The following SGCD variants were observed in gnomAD, a reference collection of about 807,000 sequenced individuals.
The protein encoded by SGCD is sarcoglycan delta.
Under a neutral mutation model 36.6 loss-of-function variants are expected in SGCD, and 18 were observed. The ratio of observed to expected loss-of-function variants is 0.49; its 90% CI spans 0.34 to 0.73. SGCD has a LOEUF of 0.73. SGCD is among the 30% of genes least tolerant of loss of function. The pLI, the probability that SGCD is intolerant of heterozygous loss-of-function variation, is 0.01. For synonymous variants in SGCD, 133 were observed against 130.6 expected (o/e 1.02, Z -0.12); for missense variants, 387 against 346.7 (o/e 1.12, Z -0.92).
At chr5:156,698,415 C>T (rs1754400512) in intron 7 of SGCD, among the ~76,000 whole-genome samples, 2 of 152,234 alleles carry the variant, frequency 1.3e-5, no homozygotes, top group Admixed American at 1.3e-4. Flanking sequence ...TTGCTACTAA[C>T]TCAGTATCTC....
At chr5:155,838,542 A>G in the SGCD span, among the ~76,000 whole-genome samples, 1 of 152,118 alleles carries the variant, frequency 6.6e-6, no homozygotes, top group African/African-American at 2.4e-5. Flanking sequence ...AGCAATTCTC[A>G]AAGTGTGTTC....
chr5:156,008,544 T>C (rs1758797035), intron 1 of SGCD, among the ~76,000 whole-genome samples: 1 of 152,138 alleles, frequency 6.6e-6, no homozygotes, highest in Non-Finnish European at 1.5e-5. Context: ...CCTGGCTAAT[T>C]TTTTAATTCT....
At chr5:156,176,791 G>GA (rs1385115228) in intron 3 of SGCD, among the ~76,000 whole-genome samples, 2 of 152,028 alleles carry the variant, frequency 1.3e-5, no homozygotes, top group Non-Finnish European at 2.9e-5. Flanking sequence ...AAATATCTCT[G>GA]AAAAATATTC....
the SGCD span, among the ~76,000 whole-genome samples, chr5:155,761,682 A>G: frequency 3.4e-5 from 5 of 145,104 alleles, no homozygotes; most frequent in African/African-American, 2.6e-5. Flanking sequence ...CATCATCTCC[A>G]TCATCCTCTC....
intron 7 of SGCD, among the ~76,000 whole-genome samples, chr5:156,700,942 C>CA (rs66896485): frequency 0.71 from 91,643 of 128,406 alleles, 33,526 homozygotes; most frequent in East Asian, 0.85. Context: ...GACCTTGTCT[C>CA]AAAAAAAAAA....
the SGCD span, among the ~76,000 whole-genome samples, chr5:155,753,514 A>G: frequency 6.6e-5 from 10 of 152,084 alleles, no homozygotes; most frequent in African/African-American, 2.4e-4. Flanking sequence ...TTGGAGTAAA[A>G]TGCACAAATA....
intron 3 of SGCD, among the ~76,000 whole-genome samples, chr5:156,182,120 G>A (rs540293371): frequency 3.9e-5 from 6 of 152,282 alleles, no homozygotes; most frequent in African/African-American, 9.6e-5. Flanking sequence ...CAACAGATAC[G>A]TTTGTGGAAA....
chr5:155,960,619 C>G (rs976378679), intron 1 of SGCD, among the ~76,000 whole-genome samples: 1 of 152,058 alleles, frequency 6.6e-6, no homozygotes, highest in South Asian at 2.1e-4. Flanking sequence ...AAAGGAGAGG[C>G]CTTTCAAAGA....
At chr5:156,122,398 G>A (rs540436261) in intron 2 of SGCD, among the ~76,000 whole-genome samples, 1 of 152,214 alleles carries the variant, frequency 6.6e-6, no homozygotes, top group Non-Finnish European at 1.5e-5. Flanking sequence ...TAGAGAAAGA[G>A]GGATGAGATA....
chr5:156,605,115 A>G (rs185231585), intron 6 of SGCD, among the ~76,000 whole-genome samples: 128 of 152,054 alleles, frequency 8.4e-4, no homozygotes, highest in Admixed American at 7.1e-3. Flanking sequence ...TTTGTTACCT[A>G]TGTATACATG....
rs368192908 is a variant in SGCD at position 156,272,175 on chromosome 5, T to TC, written c.-43-57353dup. On this transcript the variant is annotated intron_variant, in intron 3 of 9. Transcript: ENST00000517913. ...TTATCCCTTACACCCTTCTCAATCT[T>TC]CCCCCCACTCTGTGAGTCCCCAAGT... 2.6e-3 allele frequency among the ~76,000 whole-genome samples: 389 copies of TC among 152,116 alleles called. 2 individuals are homozygous for TC. The highest frequency in any genetic ancestry group is 8.4e-3 in the African/African-American group (350 of 41,516).
At chr5:155,846,211 C>T in the SGCD span, among the ~76,000 whole-genome samples, 1 of 152,128 alleles carries the variant, frequency 6.6e-6, no homozygotes, top group Non-Finnish European at 1.5e-5. Flanking sequence ...TGGCATTTTT[C>T]ACAAACGTAG....
At chr5:155,796,956 G>GA in the SGCD span, among the ~76,000 whole-genome samples, 1 of 150,874 alleles carries the variant, frequency 6.6e-6, no homozygotes, top group South Asian at 2.1e-4. Context: ...ATGTATAATA[G>GA]AAAAAATCAA....
chr5:156,323,365 A>G (rs1056116109), upstream of SGCD, among the ~76,000 whole-genome samples: 1 of 152,238 alleles, frequency 6.6e-6, no homozygotes, highest in Non-Finnish European at 1.5e-5. Context: ...CAATCAGGTG[A>G]CAAAGGGAAT....
intron 4 of SGCD, among the ~76,000 whole-genome samples, chr5:156,532,630 T>A (rs1001107894): frequency 6.6e-6 from 1 of 152,034 alleles, no homozygotes; most frequent in Non-Finnish European, 1.5e-5. Context: ...CCGGCTAATT[T>A]TTTTATTTTT....
intron 7 of SGCD, among the ~76,000 whole-genome samples, chr5:156,740,101 G>A (rs1361186911): frequency 6.6e-6 from 1 of 152,154 alleles, no homozygotes; most frequent in Non-Finnish European, 1.5e-5. Context: ...TAATTTTATT[G>A]TCAAAATTAT....
chr5:156,722,169 C>T (rs763625257), intron 7 of SGCD, among the ~76,000 whole-genome samples: 1 of 152,166 alleles, frequency 6.6e-6, no homozygotes, highest in Non-Finnish European at 1.5e-5. Context: ...ACAGTGTAGT[C>T]GATTCTCCTT....
chr5:156,658,607 G>A lies in SGCD; in HGVS notation c.575+11071G>A, dbSNP rs1273453864. ...TTTTCTTAGCACATAACAAAATGGA[G>A]TCTCCTATGTCTACTTCTTTCTACA... On this transcript the variant is annotated intron_variant, in intron 7 of 8. Transcript: ENST00000337851. Among the ~76,000 whole-genome samples, 2 of 81,594 alleles carry A rather than the reference G, an allele frequency of 2.5e-5. 1 individual carries two copies. Among genetic ancestry groups the A allele is most frequent in the Non-Finnish European group, 4.5e-5 (2 of 43,964 alleles). 53.5% of individuals were successfully genotyped at this position (81,594 alleles called of 152,430 possible).
chr5:156,448,322 A>G (rs1298695077), intron 3 of SGCD, among the ~76,000 whole-genome samples: 1 of 152,138 alleles, frequency 6.6e-6, no homozygotes. Flanking sequence ...CAGTTTAACC[A>G]CCTGCCTAAG....
Sources: allele counts gnomAD v4.1 joint callset (sites outside exome capture counted in the v4.1 genomes callset), GRCh38; gene constraint gnomAD v4.1.1; transcripts MANE v1.5; gene names NCBI Gene and HGNC (gene_info 2026-07-23, HGNC 2026-07-21).